EXT1: variants seen among roughly 807,000 people sequenced by gnomAD.
EXT1 encodes exostosin glycosyltransferase 1.
A neutral mutation model predicts 82.5 loss-of-function variants in EXT1; 20 were observed. The ratio of observed to expected loss-of-function variants is 0.24; its 90% CI spans 0.17 to 0.35. The LOEUF (loss-of-function observed/expected upper bound fraction) is 0.35, where lower values mean the gene tolerates loss of function less well. EXT1 is among the 10% of genes least tolerant of loss of function. The pLI, the probability that EXT1 is intolerant of heterozygous loss-of-function variation, is 1.00. For synonymous variants in EXT1, 348 were observed against 350.8 expected, an observed-to-expected ratio of 0.99 and a Z score of 0.09; for missense variants, 757 against 936.5, an observed-to-expected ratio of 0.81 and a Z score of 2.50.
Position 117,795,824 on chromosome 8 carries a change from T to A in EXT1, c.*3888A>T, listed in dbSNP as rs1823081862. 6.6e-6 allele frequency: 1 copy of A among 151,902 alleles called. No individual in the cohort carries two copies. Among genetic ancestry groups the A allele is most frequent in the African/African-American group, 2.4e-5 (1 of 41,336 alleles). 9.4% of individuals were successfully genotyped at this position (151,902 alleles called of 1,614,324 possible). Reference sequence around the variant, plus strand: ...TCAAAGAAAAAAAAAAGACTTGGTGTCAAAGGATAAACTAATCTCTTTATG... The same window carrying A: ...TCAAAGAAAAAAAAAAGACTTGGTGACAAAGGATAAACTAATCTCTTTATG... On this transcript the variant is annotated 3_prime_UTR_variant, in exon 11 of 11. Coordinates refer to ENST00000378204, the MANE Select transcript of EXT1 (RefSeq NM_000127.3).
At chr8:118,083,248 A>G (rs1268899394) in intron 1 of EXT1, among the ~76,000 whole-genome samples, 1 of 152,222 alleles carries the variant, frequency 6.6e-6, no homozygotes, top group Non-Finnish European at 1.5e-5. Context: ...AGGACACAAA[A>G]AGCACTTAAT....
At chr8:117,835,387 T>G in intron 3 of EXT1, 57 bp downstream of exon 3, 2 of 1,334,914 alleles carry the variant, frequency 1.5e-6, no homozygotes, top group Non-Finnish European at 2.2e-6. Flanking sequence ...CTTTGAAAGT[T>G]TGGACGGGGG....
chr8:118,064,143 C>T (rs992276456), intron 1 of EXT1, among the ~76,000 whole-genome samples: 2 of 152,090 alleles, frequency 1.3e-5, no homozygotes, highest in Admixed American at 6.5e-5. Context: ...GGATTACAGG[C>T]GTGAGCCACC....
At chr8:117,999,533 T>C (rs1455753598) in intron 1 of EXT1, among the ~76,000 whole-genome samples, 1 of 152,230 alleles carries the variant, frequency 6.6e-6, no homozygotes, top group Non-Finnish European at 1.5e-5. Context: ...CACAGAAACA[T>C]ATCCTCTAAT....
At chr8:118,068,680 G>A (rs944312274) in intron 1 of EXT1, among the ~76,000 whole-genome samples, 1 of 151,952 alleles carries the variant, frequency 6.6e-6, no homozygotes, top group Non-Finnish European at 1.5e-5. Flanking sequence ...ACCTAAACCT[G>A]GATATATATT....
chr8:118,069,965 A>G (rs1838), intron 1 of EXT1, among the ~76,000 whole-genome samples: 64,461 of 151,728 alleles, frequency 0.42, 17,478 homozygotes, highest in African/African-American at 0.76. Context: ...TCACATACAC[A>G]TTTTACTTCT....
At chr8:117,971,016 T>C (rs1425168672) in intron 1 of EXT1, among the ~76,000 whole-genome samples, 1 of 152,112 alleles carries the variant, frequency 6.6e-6, no homozygotes, top group African/African-American at 2.4e-5. Context: ...TTATGTCTTC[T>C]CCTGGCCCCA....
At chr8:117,999,583 G>C (rs1404669701) in intron 1 of EXT1, among the ~76,000 whole-genome samples, 1 of 152,118 alleles carries the variant, frequency 6.6e-6, no homozygotes, top group Non-Finnish European at 1.5e-5. Context: ...GGTCAGAAAA[G>C]CACATAAATT....
chr8:117,862,441 G>A (rs1252548681), intron 1 of EXT1, among the ~76,000 whole-genome samples: 9 of 145,636 alleles, frequency 6.2e-5, no homozygotes, highest in South Asian at 2.2e-4. Flanking sequence ...TAAATAAAAC[G>A]GGTGGAGACT....
chr8:117,822,419 A>G, intron 5 of EXT1, 46 bp downstream of exon 5: 1 of 1,606,738 alleles, frequency 6.2e-7, no homozygotes, highest in Non-Finnish European at 8.5e-7. Context: ...TCTGTATGAC[A>G]TCTTCAGGGT....
intron 1 of EXT1, among the ~76,000 whole-genome samples, chr8:117,886,376 G>A (rs1426880970): frequency 1.3e-5 from 2 of 152,138 alleles, no homozygotes; most frequent in Admixed American, 1.3e-4. Flanking sequence ...TCCAGTGGGA[G>A]CTCTACTAGA....
intron 1 of EXT1, among the ~76,000 whole-genome samples, chr8:118,083,094 G>A (rs1347195836): frequency 3.3e-5 from 5 of 152,142 alleles, no homozygotes; most frequent in East Asian, 1.9e-4. Context: ...TGGGGCTTGC[G>A]AGATGGAGAA....
rs556723698 is a variant in EXT1 at position 117,905,704 on chromosome 8, C to T, written c.963-68503G>A. ...GCGGGCGCCTGCAGTCCCAGCTACT[C>T]GGGAGGCTGAGGCAGGACAATGGCG... On this transcript the variant is annotated intron_variant, in intron 1 of 10. Coordinates refer to ENST00000378204, the MANE Select transcript of EXT1 (RefSeq NM_000127.3). 6.6e-5 allele frequency among the ~76,000 whole-genome samples: 10 copies of T among 151,768 alleles called. No individual in the cohort carries two copies. In the East Asian group the frequency reaches 1.8e-3, roughly 27 times the overall value.
At chr8:117,810,316 G>T (rs750419114) in intron 8 of EXT1, among the ~76,000 whole-genome samples, 5 of 152,198 alleles carry the variant, frequency 3.3e-5, no homozygotes, top group Non-Finnish European at 7.3e-5. Flanking sequence ...CCTAAAAAAA[G>T]AGAAAAGAGA....
chr8:118,008,530 G>A (rs938384226), intron 1 of EXT1, among the ~76,000 whole-genome samples: 3 of 152,120 alleles, frequency 2.0e-5, no homozygotes, highest in African/African-American at 7.2e-5. Flanking sequence ...GGGATTACAG[G>A]CCTGAGCTAC....
intron 1 of EXT1, among the ~76,000 whole-genome samples, chr8:118,014,287 A>G (rs905225634): frequency 6.6e-6 from 1 of 152,162 alleles, no homozygotes; most frequent in Admixed American, 6.5e-5. Flanking sequence ...CTGGGAAAAA[A>G]TCTCAAGAAT....
chr8:117,979,375 C>CA (rs201887407), intron 1 of EXT1, among the ~76,000 whole-genome samples: 3,062 of 82,372 alleles, frequency 0.037, 102 homozygotes, highest in African/African-American at 0.14. Context: ...AACAAACAAA[C>CA]AAACAAAAAA....
At chr8:117,909,858 C>A (rs1813612515) in intron 1 of EXT1, among the ~76,000 whole-genome samples, 1 of 152,100 alleles carries the variant, frequency 6.6e-6, no homozygotes, top group Non-Finnish European at 1.5e-5. Context: ...ACCTCCGCCT[C>A]CCAGGTTCAA....
chr8:118,067,952 G>A (rs1433018263), intron 1 of EXT1, among the ~76,000 whole-genome samples: 1 of 152,204 alleles, frequency 6.6e-6, no homozygotes, highest in African/African-American at 2.4e-5. Context: ...CATAGCCATG[G>A]TGGCACATTT....
Sources: allele counts gnomAD v4.1 joint callset (sites outside exome capture counted in the v4.1 genomes callset), GRCh38; gene constraint gnomAD v4.1.1; transcripts MANE v1.5; gene names NCBI Gene and HGNC (gene_info 2026-07-23, HGNC 2026-07-21).